CNTN4: variants seen among roughly 807,000 people sequenced by gnomAD.
CNTN4 encodes the protein contactin-4.
A neutral mutation model predicts 122.5 loss-of-function variants in CNTN4; 77 were observed. That is an observed-to-expected ratio of 0.63 (90% CI 0.52 to 0.76). CNTN4 has a LOEUF of 0.76. CNTN4 is among the 30% of genes least tolerant of loss of function. The pLI, the probability that CNTN4 is intolerant of heterozygous loss-of-function variation, is 0.00. For missense variants in CNTN4, 1,256 were observed against 1,259.1 expected (o/e 1.00, Z 0.04); for synonymous variants, 512 against 447.0 (o/e 1.15, Z -1.83).
At chr3:2,501,862 C>A (rs570365588) in intron 3 of CNTN4, among the ~76,000 whole-genome samples, 1 of 152,274 alleles carries the variant, frequency 6.6e-6, no homozygotes, top group African/African-American at 2.4e-5. Flanking sequence ...ATTTAAGCAA[C>A]CACGCATTGT....
At chr3:2,533,620 G>C (rs924810516) in intron 3 of CNTN4, among the ~76,000 whole-genome samples, 1 of 152,168 alleles carries the variant, frequency 6.6e-6, no homozygotes, top group Non-Finnish European at 1.5e-5. Context: ...CTTTATAGCA[G>C]CATGATTTAT....
In CNTN4 at chr3:3,043,051, A is replaced by G. The variant is rs1442221752; in HGVS notation, c.2586A>G (p.Thr862=). 5.6e-6 allele frequency: 9 copies of G among 1,614,096 alleles called. No individual in the cohort carries two copies. The highest frequency in any genetic ancestry group is 1.3e-5 in the African/African-American group (1 of 74,940). ...GAACAGTTGGAAATCAGACATCAAC[A>G]AAAATCACGAACTTAAAAGGCAGTG... The part of the protein sequence containing the change: ...KIRTVGNQTS[T]KITNLKGSVL... The change falls in exon 22 of 25, where the codon ACA becomes ACG. Residue 862 remains threonine (T), a synonymous_variant. Transcript: ENST00000418658.
At chr3:2,829,035 A>T (rs2093045754) in intron 7 of CNTN4, among the ~76,000 whole-genome samples, 1 of 152,162 alleles carries the variant, frequency 6.6e-6, no homozygotes, top group Non-Finnish European at 1.5e-5. Flanking sequence ...CACCGTGCCC[A>T]TCCAGGAATT....
rs189378378 is a variant in CNTN4 at position 2,131,236 on chromosome 3, A to G, written c.-145+30597A>G. On this transcript the variant is annotated intron_variant, in intron 2 of 24. Transcript: ENST00000418658. ...CACCTAGTAAGAAAGTGGTAGAGTT[A>G]CATCTCAACTAAGTCGAATTAGACA... is the stretch of plus-strand genomic sequence containing the variant. Among the ~76,000 whole-genome samples the G allele has an allele frequency of 9.8e-4, 149 of 152,314 alleles. 2 individuals are homozygous for G. In the South Asian group the frequency reaches 0.019, roughly 19 times the overall value.
chr3:2,107,116 A>T (rs2032510510), intron 2 of CNTN4, among the ~76,000 whole-genome samples: 1 of 152,300 alleles, frequency 6.6e-6, no homozygotes, highest in East Asian at 1.9e-4. Context: ...GTCTCTAGTA[A>T]GTTCCAAACT....
At chr3:2,585,884 A>C (rs1161530433) in intron 4 of CNTN4, among the ~76,000 whole-genome samples, 1 of 152,134 alleles carries the variant, frequency 6.6e-6, no homozygotes, top group East Asian at 1.9e-4. Context: ...GGAGAAAAAA[A>C]AAAAAGCTAA....
intron 12 of CNTN4, among the ~76,000 whole-genome samples, chr3:2,910,186 T>A (rs529558071): frequency 2.0e-5 from 3 of 152,318 alleles, no homozygotes; most frequent in Admixed American, 1.3e-4. Flanking sequence ...TAAAGCCAAC[T>A]GAGGGGAGAC....
chr3:2,992,901 G>T lies in CNTN4; in HGVS notation c.1486+4429G>T, dbSNP rs137947795. ...GTTCAGTAGAGTGCATATTAGAAGTGCAGATCTCCTGGGCCTCACTCCTAC... is the reference window on the plus strand; with the variant it reads ...GTTCAGTAGAGTGCATATTAGAAGTTCAGATCTCCTGGGCCTCACTCCTAC... On this transcript the variant is annotated intron_variant, in intron 14 of 24. Coordinates refer to ENST00000418658, the MANE Select transcript of CNTN4 (RefSeq NM_175607.3). Among the ~76,000 whole-genome samples the T allele has an allele frequency of 1.6e-4, 24 of 152,282 alleles. No homozygotes were observed. The East Asian group carries it at 3.9e-3, about 24-fold the overall frequency.
intron 1 of CNTN4, 119 bp from the exon 2 acceptor site, chr3:2,100,439 T>C (rs898269502): frequency 6.6e-6 from 1 of 152,172 alleles, no homozygotes; most frequent in Non-Finnish European, 1.5e-5. Flanking sequence ...TTATGTCCTT[T>C]AGAGAGTGGG....
chr3:2,660,701 G>A (rs1423508514), intron 4 of CNTN4, among the ~76,000 whole-genome samples: 3 of 152,226 alleles, frequency 2.0e-5, no homozygotes, highest in Non-Finnish European at 4.4e-5. Context: ...CACCAGAGGT[G>A]ATAATCTAGA....
intron 3 of CNTN4, among the ~76,000 whole-genome samples, chr3:2,367,761 A>G (rs558880097): frequency 6.6e-6 from 1 of 152,194 alleles, no homozygotes; most frequent in African/African-American, 2.4e-5. Context: ...CTGGGATTAC[A>G]GGCGTGAGCC....
chr3:2,351,995 A>G (rs572453032), intron 3 of CNTN4, among the ~76,000 whole-genome samples: 5 of 152,360 alleles, frequency 3.3e-5, no homozygotes, highest in Non-Finnish European at 7.3e-5. Context: ...GGTGATAGAT[A>G]TGTTAATTAG....
chr3:2,242,823 G>A (rs1447635888), intron 2 of CNTN4, among the ~76,000 whole-genome samples: 2 of 152,074 alleles, frequency 1.3e-5, no homozygotes, highest in African/African-American at 4.8e-5. Flanking sequence ...TGATCTCACA[G>A]GGATCCAGTA....
intron 3 of CNTN4, among the ~76,000 whole-genome samples, chr3:2,351,187 G>A (rs1347325561): frequency 2.0e-5 from 3 of 152,088 alleles, no homozygotes; most frequent in African/African-American, 7.2e-5. Context: ...GAACTATATC[G>A]TACAACTTCT....
Position 2,861,691 on chromosome 3 carries a change from A to G in CNTN4, c.455-5061A>G, listed in dbSNP as rs1290344373. On this transcript the variant is annotated intron_variant, in intron 7 of 24. Coordinates refer to ENST00000418658, the MANE Select transcript of CNTN4 (RefSeq NM_175607.3). ...TTCTACAAAACACAACGCAGCTTAA[A>G]TCAAATAAATAAGAGTGTGTGTGTG... 3.3e-5 allele frequency among the ~76,000 whole-genome samples: 5 copies of G among 152,248 alleles called. No homozygotes were observed. In the East Asian group the frequency reaches 9.6e-4, roughly 29 times the overall value.
chr3:2,482,661 C>T (rs553226697), intron 3 of CNTN4, among the ~76,000 whole-genome samples: 153 of 152,262 alleles, frequency 1.0e-3, no homozygotes, highest in Non-Finnish European at 1.9e-3. Flanking sequence ...GACATGGTGC[C>T]CTGCATCCCA....
chr3:2,704,296 CAAAAAAAAAAAA>C (rs151155380), intron 4 of CNTN4, among the ~76,000 whole-genome samples: 37 of 69,512 alleles, frequency 5.3e-4, no homozygotes, highest in Admixed American at 9.2e-4. Flanking sequence ...GACTTCATTT[CAAAAAAAAAAAA>C]AAAAAAAAAA....
chr3:2,573,100 T>C lies in CNTN4; in HGVS notation c.55+1542T>C, dbSNP rs112203419. ...AAGCCAGTAAGTGGTCGAGCTAAGA[T>C]GTAAACCGAAGCCGACTATAGTCTT... is the stretch of plus-strand genomic sequence containing the variant. On this transcript the variant is annotated intron_variant, in intron 4 of 24. Transcript: ENST00000418658. Among the ~76,000 whole-genome samples the C allele has an allele frequency of 2.3e-3, 354 of 152,310 alleles. 2 individuals are homozygous for C. The highest frequency in any genetic ancestry group is 6.9e-3 in the African/African-American group (286 of 41,572).
At chr3:2,518,626 A>G (rs1246012343) in intron 3 of CNTN4, among the ~76,000 whole-genome samples, 1 of 152,122 alleles carries the variant, frequency 6.6e-6, no homozygotes, top group Non-Finnish European at 1.5e-5. Context: ...TTTTTAATAG[A>G]TATGTTAAAG....
Sources: gnomAD v4.1 joint callset for allele counts (sites outside exome capture counted in the v4.1 genomes callset) on GRCh38, gnomAD v4.1.1 for gene constraint, MANE v1.5 for transcripts, NCBI Gene and HGNC (gene_info 2026-07-23, HGNC 2026-07-21) for gene names.